Variants in CDH4 observed in about 807,000 individuals in gnomAD.
CDH4 encodes the protein cadherin 4, also known as cadherin-4.
Under a neutral mutation model 86.0 loss-of-function variants are expected in CDH4, and 33 were observed. That is an observed-to-expected ratio of 0.38 (90% confidence interval 0.29 to 0.51). The LOEUF (loss-of-function observed/expected upper bound fraction) is 0.51, where lower values mean the gene tolerates loss of function less well. Ranked by LOEUF, CDH4 falls within the 20% of genes least tolerant of loss-of-function variation. The probability of loss-of-function intolerance (pLI) is 0.86; values close to 1 mark genes in which losing one functional copy is unlikely to be tolerated. For missense variants in CDH4, 1,114 were observed against 1,307.4 expected (o/e 0.85, Z 2.28); for synonymous variants, 555 against 549.4 (o/e 1.01, Z -0.14).
intron 2 of CDH4, among the ~76,000 whole-genome samples, chr20:61,337,710 G>T (rs2084627563): frequency 6.6e-6 from 1 of 151,978 alleles, no homozygotes; most frequent in South Asian, 2.1e-4. Context: ...TGGGAAGCTT[G>T]ACATTCCATT....
chr20:61,383,945 T>C (rs1253578472), intron 2 of CDH4, among the ~76,000 whole-genome samples: 2 of 151,894 alleles, frequency 1.3e-5, no homozygotes, highest in Non-Finnish European at 2.9e-5. Flanking sequence ...ATAGGCCATC[T>C]GCAGGCTGAG....
rs2085701009 is a variant in CDH4 at position 61,501,523 on chromosome 20, C to T, written c.170-242040C>T. Reference sequence around the variant, plus strand: ...CTGGCTGAGATTCAGGAGACGGCTGCTGCCGTCTCTGCCCCCTCATCCTTG... The same window carrying T: ...CTGGCTGAGATTCAGGAGACGGCTGTTGCCGTCTCTGCCCCCTCATCCTTG... On this transcript the variant is annotated intron_variant, in intron 2 of 15. Coordinates refer to ENST00000614565, the MANE Select transcript of CDH4 (RefSeq NM_001794.5). The surrounding 1 kb of genome is among the most constrained non-coding windows in gnomAD (Gnocchi z 4.2). 6.6e-6 allele frequency among the ~76,000 whole-genome samples: 1 copy of T among 152,152 alleles called. No homozygotes were observed. The highest frequency in any genetic ancestry group is 2.4e-5 in the African/African-American group (1 of 41,428).
At chr20:61,839,105 G>A (rs879675979) in intron 4 of CDH4, among the ~76,000 whole-genome samples, 2 of 152,214 alleles carry the variant, frequency 1.3e-5, no homozygotes, top group Non-Finnish European at 2.9e-5. Context: ...GAAGGAGAAA[G>A]CTGAAACACC....
At chr20:61,887,388 G>T (rs1984594048) in intron 7 of CDH4, among the ~76,000 whole-genome samples, 1 of 151,678 alleles carries the variant, frequency 6.6e-6, no homozygotes, top group Non-Finnish European at 1.5e-5. Context: ...GCAGTCAGCT[G>T]CACACACACA....
intron 9 of CDH4, among the ~76,000 whole-genome samples, chr20:61,913,703 G>A (rs1055678067): frequency 2.6e-5 from 4 of 152,220 alleles, no homozygotes; most frequent in African/African-American, 9.6e-5. Context: ...TGAGAAGGCC[G>A]CTGGGAGAGT....
In CDH4 at chr20:61,829,571, G is replaced by A. The variant is rs1163098939; in HGVS notation, c.577-15097G>A. 6.6e-6 allele frequency among the ~76,000 whole-genome samples: 1 copy of A among 152,224 alleles called. No individual in the cohort carries two copies. The highest frequency in any genetic ancestry group is 1.5e-5 in the Non-Finnish European group (1 of 68,036). On this transcript the variant is annotated intron_variant, in intron 4 of 15. Transcript: ENST00000614565. This position sits in a 1 kb window ranked among gnomAD's most constrained non-coding sequence, Gnocchi z 4.2. The stretch of plus-strand genomic sequence containing the variant: ...CTGCTCGCCTTTCTGGAGGCCACGA[G>A]CCTGTTTTCCACGGCGGCTCTGCGG...
chr20:61,615,029 G>A lies in CDH4; in HGVS notation c.170-128534G>A, dbSNP rs186781448. Reference sequence around the variant, plus strand: ...GTGGACCCTGACTTCCAGTGGAAGAGGCCTCTGCTGGGAGGCCACTCTTCT... The same window carrying A: ...GTGGACCCTGACTTCCAGTGGAAGAAGCCTCTGCTGGGAGGCCACTCTTCT... On this transcript the variant is annotated intron_variant, in intron 2 of 15. Transcript: ENST00000614565. Among the ~76,000 whole-genome samples the A allele has an allele frequency of 3.4e-3, 512 of 152,260 alleles. 1 individual carries two copies. The highest frequency in any genetic ancestry group is 3.7e-3 in the Non-Finnish European group (254 of 68,034).
chr20:61,637,243 G>A (rs1161125762), intron 2 of CDH4, among the ~76,000 whole-genome samples: 3 of 152,210 alleles, frequency 2.0e-5, no homozygotes, highest in East Asian at 3.8e-4. Context: ...GAGGGGATGC[G>A]CGTGTGTGTC....
chr20:61,651,717 A>AT (rs1296590573), intron 2 of CDH4, among the ~76,000 whole-genome samples: 1 of 152,096 alleles, frequency 6.6e-6, no homozygotes, highest in African/African-American at 2.4e-5. Context: ...ATTCCCAATT[A>AT]TTTTTTTATC....
In CDH4 at chr20:61,829,533, G is replaced by A. The variant is rs186140686; in HGVS notation, c.577-15135G>A. Among the ~76,000 whole-genome samples, 91 of 152,326 alleles carry A rather than the reference G, an allele frequency of 6.0e-4. 2 individuals carry two copies. Among genetic ancestry groups the A allele is most frequent in the Admixed American group, 3.3e-3 (51 of 15,312 alleles). ...CCCAGCAGTGGGATTGCTGGGTCAC[G>A]CATGCAGCAGCTCTGCTCGCCTTTC... is the stretch of plus-strand genomic sequence containing the variant. On this transcript the variant is annotated intron_variant, in intron 4 of 15. Coordinates refer to ENST00000614565, the MANE Select transcript of CDH4 (RefSeq NM_001794.5). This position sits in a 1 kb window ranked among gnomAD's most constrained non-coding sequence, Gnocchi z 4.2.
At chr20:61,833,130 G>T (rs6061853) in intron 4 of CDH4, among the ~76,000 whole-genome samples, 1 of 151,582 alleles carries the variant, frequency 6.6e-6, no homozygotes, top group Non-Finnish European at 1.5e-5. Context: ...TACTCAGCCC[G>T]CATGATCCAG....
intron 8 of CDH4, among the ~76,000 whole-genome samples, chr20:61,909,641 C>T (rs1419426712): frequency 6.6e-6 from 1 of 152,202 alleles, no homozygotes; most frequent in Non-Finnish European, 1.5e-5. Flanking sequence ...CCACGGCCTC[C>T]CCTTCTGAAT....
At chr20:61,767,202 G>A (rs906215218) in intron 3 of CDH4, among the ~76,000 whole-genome samples, 22 of 152,224 alleles carry the variant, frequency 1.4e-4, no homozygotes, top group Middle Eastern at 3.2e-3. Context: ...GCATGCAGGA[G>A]ACAGGCTGAG....
Position 61,928,235 on chromosome 20 carries a change from T to C in CDH4, c.1817T>C (p.Ile606Thr), listed in dbSNP as rs963404531. 8 of 1,605,420 alleles carry C rather than the reference T, an allele frequency of 5.0e-6. No individual in the cohort carries two copies. The highest frequency in any genetic ancestry group is 6.8e-6 in the Non-Finnish European group (8 of 1,179,958). Residue 606 changes from isoleucine (I) to threonine (T), a missense_variant, in exon 12 of 16, where the codon ATT becomes ACT. Ile to Thr is a moderately conservative substitution (Grantham distance 89). Around this residue, in one of 3 missense-constraint regions of CDH4, gnomAD observed 705 missense variants for 914.1 expected, o/e 0.77. Coordinates refer to ENST00000614565, the MANE Select transcript of CDH4 (RefSeq NM_001794.5). ...SGTGTLQIYL[I>T]DINDNAPELL... ...ACCGGGACCCTCCAGATCTATCTCA[T>C]TGACATCAACGACAACGCCCCTGAG...
At chr20:61,443,577 G>A (rs2145535504) in intron 2 of CDH4, among the ~76,000 whole-genome samples, 1 of 152,310 alleles carries the variant, frequency 6.6e-6, no homozygotes, top group Admixed American at 6.5e-5. Context: ...CCTGGAGTCG[G>A]AACACGACAG....
chr20:61,805,885 G>A (rs569646332), intron 4 of CDH4, among the ~76,000 whole-genome samples: 18 of 152,308 alleles, frequency 1.2e-4, no homozygotes, highest in Non-Finnish European at 1.9e-4. Flanking sequence ...TTCATTGCCC[G>A]GCAGTTGCCA....
rs376380750 is a variant in CDH4 at position 61,928,122 on chromosome 20, T to A, written c.1772-68T>A. The A allele has an allele frequency of 9.5e-5, 113 of 1,184,870 alleles. No homozygotes were observed. The East Asian group carries it at 1.5e-3, about 16-fold the overall frequency. 73.4% of individuals were successfully genotyped at this position (1,184,870 alleles called of 1,614,324 possible). A position where few individuals can be genotyped will look rare whatever the true frequency, so the allele number is the denominator to read the frequency against. ...CGTGGTTGTTTGTGTGCGTGTCCTGTGTGGAGCTGTGGGTTGGTCATGGAG... is the reference window on the plus strand; with the variant it reads ...CGTGGTTGTTTGTGTGCGTGTCCTGAGTGGAGCTGTGGGTTGGTCATGGAG... On this transcript the variant is annotated intron_variant, in intron 11 of 15. Coordinates refer to ENST00000614565, the MANE Select transcript of CDH4 (RefSeq NM_001794.5).
At chr20:61,490,667 C>G (rs1438187556) in intron 2 of CDH4, among the ~76,000 whole-genome samples, 2 of 152,004 alleles carry the variant, frequency 1.3e-5, no homozygotes. Flanking sequence ...CCATTGCACT[C>G]CAGCCTGGGC....
intron 2 of CDH4, among the ~76,000 whole-genome samples, chr20:61,424,181 T>C (rs79741673): frequency 0.046 from 6,808 of 146,534 alleles, 494 homozygotes; most frequent in African/African-American, 0.17. Flanking sequence ...TATCCACACA[T>C]AGCACACATG....
Sources: gnomAD v4.1 joint callset for allele counts (sites outside exome capture counted in the v4.1 genomes callset) on GRCh38, gnomAD v4.1.1 for gene constraint, gnomAD v4.1.1 regional missense constraint, Gnocchi (gnomAD v3.1) non-coding constraint, MANE v1.5 for transcripts, NCBI Gene and HGNC (gene_info 2026-07-23, HGNC 2026-07-21) for gene names.